DMXL1: variants seen among roughly 807,000 people sequenced by gnomAD.
DMXL1 encodes Dmx like 1.
A neutral mutation model predicts 319.2 loss-of-function variants in DMXL1; 99 were observed. The observed-to-expected ratio is 0.31, with a 90% CI of 0.26 to 0.37. The LOEUF is 0.37. Among genes scored for constraint, DMXL1 ranks in the 10% least tolerant of loss-of-function variants. The pLI, the probability that DMXL1 is intolerant of heterozygous loss-of-function variation, is 1.00. For missense variants in DMXL1, 3,745 were observed against 3,595.6 expected, an observed-to-expected ratio of 1.04 and a Z score of -1.06; for synonymous variants, 1,385 against 1,235.2, an observed-to-expected ratio of 1.12 and a Z score of -2.54.
chr5:119,221,927 C>A (rs1363341589), intron 37 of DMXL1, among the ~76,000 whole-genome samples: 2 of 151,736 alleles, frequency 1.3e-5, no homozygotes, highest in African/African-American at 4.8e-5. Flanking sequence ...CATATTTGTA[C>A]TTCCAAGCCT....
rs573690092 is a variant in DMXL1 at position 119,247,851 on chromosome 5, C to G, written c.*632C>G. 3 of 151,866 alleles carry G rather than the reference C, an allele frequency of 2.0e-5. No homozygotes were observed. The highest frequency in any genetic ancestry group is 4.4e-5 in the Non-Finnish European group (3 of 67,888). The allele number at this position is 151,866 out of a possible 1,614,324, so 9.4% of individuals were successfully genotyped here. On this transcript the variant is annotated 3_prime_UTR_variant, in exon 44 of 44. Coordinates refer to ENST00000539542, the MANE Select transcript of DMXL1 (RefSeq NM_001290321.3). ...GTGTATCTTACACATCTTATTTGAA[C>G]TTAGTTGTATATATTAGCGAAAACT...
At chr5:119,170,165 G>A in intron 23 of DMXL1, 25 bp from the exon 24 acceptor site, 1 of 1,566,458 alleles carries the variant, frequency 6.4e-7, no homozygotes, top group African/African-American at 1.4e-5. Context: ...ACTTTTCTTG[G>A]CTCATAAAAT....
chr5:119,179,213 A>C (rs758734700), intron 28 of DMXL1, among the ~76,000 whole-genome samples: 2 of 151,768 alleles, frequency 1.3e-5, no homozygotes, highest in African/African-American at 2.4e-5. Context: ...TATGGAGGGC[A>C]TGAGGAGTAG....
rs1749441510 is a variant in DMXL1 at position 119,071,172 on chromosome 5, C to T, written c.-398C>T. ...ACAGGTCAGGCGGGGAGTGCGAGCGCGTACTGCTTGCGCCACTCGGGCTGG... is the reference window on the plus strand; with the variant it reads ...ACAGGTCAGGCGGGGAGTGCGAGCGTGTACTGCTTGCGCCACTCGGGCTGG... On this transcript the variant is annotated 5_prime_UTR_variant, in exon 1 of 44. Transcript: ENST00000539542. 4.2e-6 allele frequency: 1 copy of T among 237,870 alleles called. No homozygotes were observed. Among genetic ancestry groups the T allele is most frequent in the South Asian group, 4.3e-5 (1 of 23,102 alleles). 14.7% of individuals were successfully genotyped at this position (237,870 alleles called of 1,614,324 possible). A position where few individuals can be genotyped will look rare whatever the true frequency, so the allele number is the denominator to read the frequency against.
intron 35 of DMXL1, among the ~76,000 whole-genome samples, chr5:119,217,419 A>C (rs1159876960): frequency 6.6e-6 from 1 of 152,116 alleles, no homozygotes; most frequent in Non-Finnish European, 1.5e-5. Flanking sequence ...GTATTTTCTT[A>C]GTATTTCTTA....
intron 1 of DMXL1, among the ~76,000 whole-genome samples, chr5:119,077,044 G>A (rs1462572187): frequency 6.6e-6 from 1 of 152,068 alleles, no homozygotes; most frequent in Admixed American, 6.5e-5. Flanking sequence ...AAAAGAGATG[G>A]GGGTCTCACT....
At chr5:119,222,138 AT>A (rs1784753683) in intron 37 of DMXL1, among the ~76,000 whole-genome samples, 1 of 152,148 alleles carries the variant, frequency 6.6e-6, no homozygotes, top group Non-Finnish European at 1.5e-5. Context: ...TTTGTACCTA[AT>A]GGAGTTCCTT....
Position 119,071,598 on chromosome 5 carries a change from C to A in DMXL1, c.29C>A (p.Ala10Asp). The change falls in exon 1 of 44, where the codon GCT becomes GAT. Residue 10 changes from alanine to aspartate, a missense_variant. Physicochemically the swap from Ala to Asp is moderately radical, Grantham distance 126. Transcript: ENST00000539542. ...AACCTGCACCAGGTGCTGACCGGGG[C>A]TGTGAACCCTGGCGACCACTGCTTC... MNLHQVLTG[A>D]VNPGDHCFSV... The A allele has an allele frequency of 6.2e-7, 1 of 1,605,286 alleles. No individual in the cohort carries two copies. The highest frequency in any genetic ancestry group is 1.7e-5 in the Admixed American group (1 of 59,202).
chr5:119,144,015 G>A, intron 14 of DMXL1, 85 bp downstream of exon 14: 1 of 814,982 alleles, frequency 1.2e-6, no homozygotes, highest in Non-Finnish European at 2.0e-6. Context: ...AATGTAATTT[G>A]AAAATTTGCT....
rs184424454 is a variant in DMXL1, at chr5:119,089,730, A to G, written c.88-8249A>G. Among the ~76,000 whole-genome samples the G allele has an allele frequency of 9.8e-3, 1,472 of 150,704 alleles. 13 individuals carry two copies. Among genetic ancestry groups the G allele is most frequent in the Middle Eastern group, 0.034 (10 of 292 alleles). On this transcript the variant is annotated intron_variant, in intron 1 of 43. Coordinates refer to ENST00000539542, the MANE Select transcript of DMXL1 (RefSeq NM_001290321.3). ...AACCTCCACCTCCTGGGTTCAAGCA[A>G]TTCTTCTGGCTCAGCTTTCCTGAGT... is the stretch of plus-strand genomic sequence containing the variant.
intron 13 of DMXL1, among the ~76,000 whole-genome samples, chr5:119,135,755 GC>G (rs754425564): frequency 6.6e-6 from 1 of 152,172 alleles, no homozygotes; most frequent in Non-Finnish European, 1.5e-5. Context: ...CTTCTCCTTT[GC>G]CTTCTGCCAT....
intron 43 of DMXL1, among the ~76,000 whole-genome samples, chr5:119,246,311 G>C (rs1789748409): frequency 6.6e-6 from 1 of 152,146 alleles, no homozygotes; most frequent in Non-Finnish European, 1.5e-5. Flanking sequence ...ATGTAAAGAA[G>C]AGATTACCTT....
chr5:119,097,039 G>A (rs112233602), intron 1 of DMXL1, among the ~76,000 whole-genome samples: 3 of 152,328 alleles, frequency 2.0e-5, no homozygotes, highest in African/African-American at 7.2e-5. Flanking sequence ...GAGAGATAGT[G>A]GTTGGGAATT....
At chr5:119,195,242 G>T (rs979021536) in intron 30 of DMXL1, among the ~76,000 whole-genome samples, 2 of 152,096 alleles carry the variant, frequency 1.3e-5, no homozygotes, top group African/African-American at 4.8e-5. Context: ...TTTCCACTAT[G>T]GATATATACC....
At chr5:119,186,368 T>G (rs1421830151) in intron 28 of DMXL1, among the ~76,000 whole-genome samples, 1 of 152,104 alleles carries the variant, frequency 6.6e-6, no homozygotes, top group African/African-American at 2.4e-5. Flanking sequence ...CCTCCTGGGC[T>G]CAAGTGATCC....
chr5:119,220,174 T>C (rs1784414106), intron 35 of DMXL1, among the ~76,000 whole-genome samples: 1 of 152,182 alleles, frequency 6.6e-6, no homozygotes, highest in African/African-American at 2.4e-5. Flanking sequence ...TTCTGAATTG[T>C]GCATACCTTA....
chr5:119,164,322 G>T (rs1022964025), intron 19 of DMXL1, among the ~76,000 whole-genome samples, 185 bp from the exon 20 acceptor site: 2 of 151,828 alleles, frequency 1.3e-5, no homozygotes, highest in Admixed American at 1.3e-4. Context: ...AAACATATAT[G>T]TGCTCATTGG....
At chr5:119,099,199 T>TTTTGTTTG (rs10661600) in intron 2 of DMXL1, among the ~76,000 whole-genome samples, 1 of 150,236 alleles carries the variant, frequency 6.7e-6, no homozygotes, top group East Asian at 1.9e-4. Context: ...TTTTGTTTGT[T>TTTTGTTTG]TTTGTTTGTT....
intron 17 of DMXL1, among the ~76,000 whole-genome samples, chr5:119,148,492 A>G (rs1769067316): frequency 6.6e-6 from 1 of 152,062 alleles, no homozygotes; most frequent in Non-Finnish European, 1.5e-5. Flanking sequence ...GGTTTTGGTG[A>G]TACTTTCTTT....
Sources: gnomAD v4.1 joint callset for allele counts (sites outside exome capture counted in the v4.1 genomes callset) on GRCh38, gnomAD v4.1.1 for gene constraint, MANE v1.5 for transcripts, NCBI Gene and HGNC (gene_info 2026-07-23, HGNC 2026-07-21) for gene names.